Variants in COL23A1 observed in about 807,000 individuals in gnomAD.
COL23A1 encodes collagen alpha-1(XXIII) chain.
A neutral mutation model predicts 99.3 loss-of-function variants in COL23A1; 97 were observed. The ratio of observed to expected loss-of-function variants is 0.98; its 90% CI spans 0.83 to 1.16. The LOEUF is 1.16. COL23A1 is among the 50% of genes most tolerant of loss of function. The pLI is 0.00. For synonymous variants in COL23A1, 320 were observed against 308.2 expected (o/e 1.04, Z -0.40); for missense variants, 762 against 757.4 (o/e 1.01, Z -0.07).
chr5:178,400,575 T>G (rs1164307410), intron 2 of COL23A1, among the ~76,000 whole-genome samples: 1 of 152,122 alleles, frequency 6.6e-6, no homozygotes, highest in East Asian at 1.9e-4. Context: ...TTTTAACCAT[T>G]TTTAAGTGTA....
chr5:178,252,302 T>C (rs1416508597), intron 17 of COL23A1, among the ~76,000 whole-genome samples: 1 of 152,250 alleles, frequency 6.6e-6, no homozygotes, highest in Non-Finnish European at 1.5e-5. Context: ...CATTCCTTTT[T>C]ATAGCTGCAT....
intron 2 of COL23A1, among the ~76,000 whole-genome samples, chr5:178,328,681 C>T (rs1167728567): frequency 6.6e-6 from 1 of 152,178 alleles, no homozygotes; most frequent in African/African-American, 2.4e-5. Context: ...TAAGGGGGTG[C>T]ATGCTCAACT....
intron 5 of COL23A1, among the ~76,000 whole-genome samples, chr5:178,285,208 G>A (rs1757090741): frequency 6.6e-6 from 1 of 152,086 alleles, no homozygotes; most frequent in Non-Finnish European, 1.5e-5. Context: ...GTCCACACAT[G>A]GACCTGGTTT....
At chr5:178,449,965 C>T (rs1767393547) in intron 2 of COL23A1, among the ~76,000 whole-genome samples, 1 of 152,158 alleles carries the variant, frequency 6.6e-6, no homozygotes, top group East Asian at 1.9e-4. Context: ...TTAACAGTGT[C>T]TGCCACACCT....
chr5:178,411,436 CAT>C (rs574500313), intron 2 of COL23A1, among the ~76,000 whole-genome samples: 136 of 152,084 alleles, frequency 8.9e-4, no homozygotes, highest in African/African-American at 3.1e-3. Flanking sequence ...GTGATACACA[CAT>C]GGAATGAAAT....
At chr5:178,458,436 A>G (rs749031740) in intron 2 of COL23A1, among the ~76,000 whole-genome samples, 1 of 152,110 alleles carries the variant, frequency 6.6e-6, no homozygotes, top group Non-Finnish European at 1.5e-5. Flanking sequence ...CAGGAGTTCG[A>G]GACTGGCCTG....
At chr5:178,242,265 C>G in intron 26 of COL23A1, 76 bp downstream of exon 26, 6 of 1,538,496 alleles carry the variant, frequency 3.9e-6, no homozygotes, top group Non-Finnish European at 5.3e-6. Flanking sequence ...TCTCTACCTG[C>G]TTCACCTGAG....
intron 2 of COL23A1, among the ~76,000 whole-genome samples, chr5:178,446,837 G>A (rs1767188827): frequency 6.6e-6 from 1 of 152,106 alleles, no homozygotes; most frequent in Non-Finnish European, 1.5e-5. Context: ...TATAACAGAA[G>A]GGTGGTTAAA....
At chr5:178,305,506 T>C (rs1049194801) in intron 3 of COL23A1, among the ~76,000 whole-genome samples, 5 of 152,188 alleles carry the variant, frequency 3.3e-5, no homozygotes, top group African/African-American at 1.2e-4. Flanking sequence ...ATTCGTTCGC[T>C]GTTCTGTGCA....
chr5:178,558,062 C>T (rs1188332439), intron 2 of COL23A1, among the ~76,000 whole-genome samples: 1 of 150,756 alleles, frequency 6.6e-6, no homozygotes, highest in East Asian at 2.0e-4. Context: ...CCCAGGGAGC[C>T]GGGGAGTCTA....
At chr5:178,469,822 C>T (rs949255390) in intron 2 of COL23A1, among the ~76,000 whole-genome samples, 13 of 152,202 alleles carry the variant, frequency 8.5e-5, no homozygotes, top group Admixed American at 2.6e-4. Context: ...CTAATGGTCT[C>T]GCAGGGTCGG....
At chr5:178,545,681 G>C (rs146699339) in intron 2 of COL23A1, among the ~76,000 whole-genome samples, 1 of 152,094 alleles carries the variant, frequency 6.6e-6, no homozygotes, top group Admixed American at 6.5e-5. Flanking sequence ...CAAGTGAACC[G>C]AGGGTCTAAG....
intron 7 of COL23A1, among the ~76,000 whole-genome samples, 180 bp downstream of exon 7, chr5:178,268,550 G>T (rs1469947178): frequency 6.6e-6 from 1 of 152,196 alleles, no homozygotes; most frequent in African/African-American, 2.4e-5. Flanking sequence ...ATTGTCAAAT[G>T]TAAGCCTTGT....
Position 178,549,592 on chromosome 5 carries a change from G to GA in COL23A1, c.361+11089dup, listed in dbSNP as rs1761896039. Among the ~76,000 whole-genome samples, 3 of 152,026 alleles carry GA rather than the reference G, an allele frequency of 2.0e-5. No individual in the cohort carries two copies. The South Asian group carries it at 6.2e-4, about 32-fold the overall frequency. On this transcript the variant is annotated intron_variant, in intron 2 of 28. Coordinates refer to ENST00000390654, the MANE Select transcript of COL23A1 (RefSeq NM_173465.4). ...TCACTTTGGGAGGCTGAGGTGGGCA[G>GA]ATCACCTGAGGTCAGGAGTTTGAGA...
intron 2 of COL23A1, among the ~76,000 whole-genome samples, chr5:178,520,873 G>T (rs1456492320): frequency 1.3e-5 from 2 of 152,180 alleles, no homozygotes; most frequent in Non-Finnish European, 2.9e-5. Context: ...AGGAAACAAA[G>T]AATTTATAGG....
At chr5:178,334,219 C>T (rs757883836) in intron 2 of COL23A1, among the ~76,000 whole-genome samples, 1 of 152,314 alleles carries the variant, frequency 6.6e-6, no homozygotes. Flanking sequence ...CCTCACCTCA[C>T]GTTTATTAAA....
At chr5:178,417,931 C>T (rs751464505) in intron 2 of COL23A1, among the ~76,000 whole-genome samples, 5 of 152,204 alleles carry the variant, frequency 3.3e-5, no homozygotes, top group Admixed American at 6.5e-5. Context: ...ATTATTTATT[C>T]GGGTTTGTTT....
intron 2 of COL23A1, among the ~76,000 whole-genome samples, chr5:178,409,762 A>T (rs1341720413): frequency 6.6e-6 from 1 of 152,254 alleles, no homozygotes; most frequent in African/African-American, 2.4e-5. Context: ...ACAGTTGAGA[A>T]ATTAGAATGG....
At chr5:178,262,035 G>C (rs968828480) in intron 10 of COL23A1, among the ~76,000 whole-genome samples, 182 bp downstream of exon 10, 1 of 152,232 alleles carries the variant, frequency 6.6e-6, no homozygotes, top group African/African-American at 2.4e-5. Flanking sequence ...ATTTCCCCAG[G>C]GTGGCTGGAG....
Sources: allele counts gnomAD v4.1 joint callset (sites outside exome capture counted in the v4.1 genomes callset), GRCh38; gene constraint gnomAD v4.1.1; transcripts MANE v1.5; gene names NCBI Gene and HGNC (gene_info 2026-07-23, HGNC 2026-07-21).